ROCK2: variants seen among roughly 807,000 people sequenced by gnomAD.
ROCK2 encodes the protein Rho associated coiled-coil containing protein kinase 2, also known as rho-associated protein kinase 2.
Under a neutral mutation model 195.1 loss-of-function variants are expected in ROCK2, and 61 were observed. The observed-to-expected ratio is 0.31, with a 90% CI of 0.25 to 0.39. The LOEUF is 0.39. ROCK2 is among the 10% of genes least tolerant of loss of function. The pLI, the probability that ROCK2 is intolerant of heterozygous loss-of-function variation, is 1.00. For missense variants in ROCK2, 1,109 were observed against 1,637.4 expected, an observed-to-expected ratio of 0.68 and a Z score of 5.57; for synonymous variants, 504 against 545.5, an observed-to-expected ratio of 0.92 and a Z score of 1.06.
rs368337160 is a variant in ROCK2, at chr2:11,235,677, C to T, written c.723+25G>A. On this transcript the variant is annotated intron_variant, in intron 5 of 32. Coordinates refer to ENST00000315872, the MANE Select transcript of ROCK2 (RefSeq NM_004850.5). This position sits in a 1 kb window ranked among gnomAD's most constrained non-coding sequence, Gnocchi z 4.2. Reference sequence around the variant, plus strand: ...TTATTTCTGTCCCTCAAAACACTATCGTTTTAAATAATTTGCTTACTTACT... The same window carrying T: ...TTATTTCTGTCCCTCAAAACACTATTGTTTTAAATAATTTGCTTACTTACT... 1.3e-5 allele frequency: 20 copies of T among 1,581,042 alleles called. No individual in the cohort carries two copies. The highest frequency in any genetic ancestry group is 8.1e-5 in the African/African-American group (6 of 73,864).
rs1663675117 is a variant in ROCK2, at chr2:11,197,236, T to C, written c.3392A>G (p.Asp1131Gly). 1 of 1,613,976 alleles carries C rather than the reference T, an allele frequency of 6.2e-7. No individual in the cohort carries two copies. The highest frequency in any genetic ancestry group is 1.3e-5 in the African/African-American group (1 of 74,938). Residue 1131 changes from aspartate (D) to glycine (G), a missense_variant, in exon 27 of 33, where the codon GAT becomes GGT. Coordinates refer to ENST00000315872, the MANE Select transcript of ROCK2 (RefSeq NM_004850.5). This position sits in a 1 kb window ranked among gnomAD's most constrained non-coding sequence, Gnocchi z 4.9. ...SQLQALHIGL[D>G]SSSIGSGPGD... The stretch of plus-strand genomic sequence containing the variant: ...TGGTCCACTGCCTATACTGGAACTA[T>C]CCAGACCAATATGCAAGGCTTGGAG...
chr2:11,189,158 T>C (rs971334156), intron 32 of ROCK2, among the ~76,000 whole-genome samples: 1 of 152,232 alleles, frequency 6.6e-6, no homozygotes, highest in Non-Finnish European at 1.5e-5. Flanking sequence ...GTTCACTTTA[T>C]ATTTGATGTA....
intron 11 of ROCK2, 134 bp from the exon 12 acceptor site, chr2:11,217,303 C>T: frequency 1.4e-6 from 1 of 736,608 alleles, no homozygotes; most frequent in East Asian, 2.6e-5. Context: ...AGTATTTGTA[C>T]CTCCTTAATG....
intron 1 of ROCK2, among the ~76,000 whole-genome samples, chr2:11,307,832 A>G (rs1282115252): frequency 6.6e-6 from 1 of 152,198 alleles, no homozygotes; most frequent in African/African-American, 2.4e-5. Flanking sequence ...TTTCCTTGTC[A>G]TTAGTCCCTA....
chr2:11,196,327 A>G (rs868442643), intron 27 of ROCK2, among the ~76,000 whole-genome samples: 6 of 152,186 alleles, frequency 3.9e-5, no homozygotes, highest in Admixed American at 2.6e-4. Context: ...CCTTAAGCAT[A>G]TCCTTTGAAT....
intron 20 of ROCK2, among the ~76,000 whole-genome samples, chr2:11,205,877 G>T (rs772949031): frequency 7.9e-5 from 12 of 152,122 alleles, no homozygotes; most frequent in Non-Finnish European, 1.5e-4. Context: ...GGGAGGCAAA[G>T]CCAGGCAGAT....
chr2:11,236,127 G>A (rs1296581607), intron 4 of ROCK2, among the ~76,000 whole-genome samples, 165 bp from the exon 5 acceptor site: 1 of 152,028 alleles, frequency 6.6e-6, no homozygotes, highest in Non-Finnish European at 1.5e-5. Context: ...CGTATGTAAT[G>A]GATAAACAGT....
At chr2:11,272,626 C>T (rs1666678521) in intron 3 of ROCK2, among the ~76,000 whole-genome samples, 1 of 151,922 alleles carries the variant, frequency 6.6e-6, no homozygotes, top group Non-Finnish European at 1.5e-5. Context: ...ACGCCTATAA[C>T]CCTAGCACTT....
chr2:11,308,338 A>C, intron 1 of ROCK2: 1 of 1,179,272 alleles, frequency 8.5e-7, no homozygotes, highest in Non-Finnish European at 1.3e-6. Flanking sequence ...CATATAATAA[A>C]GAATTCCCAT....
intron 4 of ROCK2, among the ~76,000 whole-genome samples, chr2:11,248,500 C>A (rs1364282402): frequency 2.6e-5 from 4 of 151,762 alleles, no homozygotes; most frequent in Admixed American, 1.3e-4. Flanking sequence ...TTGAGGTCAG[C>A]AGTTCAAGAC....
chr2:11,181,630 A>G lies in ROCK2; in HGVS notation c.*1807T>C, dbSNP rs1572207848. The G allele has an allele frequency of 2.2e-5, 3 of 139,280 alleles. No individual in the cohort carries two copies. The highest frequency in any genetic ancestry group is 4.7e-5 in the Non-Finnish European group (3 of 63,276). The allele number at this position is 139,280 out of a possible 1,614,324, so 8.6% of individuals were successfully genotyped here. On this transcript the variant is annotated 3_prime_UTR_variant, in exon 33 of 33. Coordinates refer to ENST00000315872, the MANE Select transcript of ROCK2 (RefSeq NM_004850.5). ...ATTTCCTTCATCGAAATATTAGATG[A>G]CTTTTTTTTTTTTTTTTTTTTGAGA...
intron 1 of ROCK2, among the ~76,000 whole-genome samples, chr2:11,293,211 G>C (rs1243076476): frequency 6.6e-6 from 1 of 152,212 alleles, no homozygotes; most frequent in Non-Finnish European, 1.5e-5. Context: ...CTGCCATTTA[G>C]TGGCAACTTA....
chr2:11,276,003 A>G (rs552677052), intron 3 of ROCK2, among the ~76,000 whole-genome samples: 1 of 152,226 alleles, frequency 6.6e-6, no homozygotes. Context: ...CCCTGCCTCA[A>G]CACTCTTTCA....
At chr2:11,306,394 C>T (rs554051538) in intron 1 of ROCK2, among the ~76,000 whole-genome samples, 39 of 152,206 alleles carry the variant, frequency 2.6e-4, no homozygotes, top group Middle Eastern at 6.8e-3. Context: ...CTATATTTCG[C>T]ATTATCTTTG....
chr2:11,198,153 T>C (rs1663708769), intron 25 of ROCK2, among the ~76,000 whole-genome samples: 1 of 152,120 alleles, frequency 6.6e-6, no homozygotes, highest in Non-Finnish European at 1.5e-5. Context: ...ACTGTAGGAG[T>C]TGGCAGAGAG....
At chr2:11,232,583 C>G (rs938087764) in intron 5 of ROCK2, among the ~76,000 whole-genome samples, 1 of 152,122 alleles carries the variant, frequency 6.6e-6, no homozygotes, top group African/African-American at 2.4e-5. Context: ...ATAAAAAACT[C>G]TTTTGTTCTT....
intron 3 of ROCK2, among the ~76,000 whole-genome samples, chr2:11,282,135 G>C (rs945888220): frequency 3.3e-5 from 5 of 152,092 alleles, no homozygotes; most frequent in African/African-American, 1.2e-4. Flanking sequence ...TAGATCGCTT[G>C]AGCCCAGGAA....
chr2:11,282,498 G>C (rs1667039591), intron 3 of ROCK2, among the ~76,000 whole-genome samples: 1 of 151,146 alleles, frequency 6.6e-6, no homozygotes, highest in Admixed American at 6.6e-5. Context: ...ACAGAATAGA[G>C]AGCCCAGAAA....
intron 3 of ROCK2, among the ~76,000 whole-genome samples, chr2:11,274,824 G>C (rs1666767082): frequency 6.6e-6 from 1 of 152,126 alleles, no homozygotes; most frequent in Non-Finnish European, 1.5e-5. Context: ...CTTATCCTCA[G>C]GAAATACATT....
Sources: allele counts gnomAD v4.1 joint callset (sites outside exome capture counted in the v4.1 genomes callset), GRCh38; gene constraint gnomAD v4.1.1; non-coding constraint Gnocchi (gnomAD v3.1); transcripts MANE v1.5; gene names NCBI Gene and HGNC (gene_info 2026-07-23, HGNC 2026-07-21).